The following ARG2 variants were observed in gnomAD, a reference collection of about 807,000 sequenced individuals.
ARG2 encodes arginase 2.
A neutral mutation model predicts 39.4 loss-of-function variants in ARG2; 21 were observed. The observed-to-expected ratio is 0.53, with a 90% confidence interval of 0.38 to 0.77. The LOEUF is 0.77. Among genes scored for constraint, ARG2 ranks in the 30% least tolerant of loss-of-function variants. ARG2 has a pLI of 0.00. For synonymous variants in ARG2, 150 were observed against 156.7 expected (o/e 0.96, Z 0.32); for missense variants, 378 against 426.2 (o/e 0.89, Z 1.00).
intron 2 of ARG2, among the ~76,000 whole-genome samples, chr14:67,633,979 G>T (rs1212551742): frequency 6.6e-6 from 1 of 152,128 alleles, no homozygotes; most frequent in Non-Finnish European, 1.5e-5. Flanking sequence ...CACTGGGCTG[G>T]GCTGCCACTT....
chr14:67,630,745 A>AT (rs1365712172), intron 2 of ARG2, among the ~76,000 whole-genome samples: 2 of 151,892 alleles, frequency 1.3e-5, no homozygotes, highest in African/African-American at 4.8e-5. Flanking sequence ...TGCCCAGCTA[A>AT]TTTTTTGTAT....
chr14:67,648,465 T>C (rs546242682), intron 7 of ARG2: 1 of 251,628 alleles, frequency 4.0e-6, no homozygotes, highest in East Asian at 8.0e-5. Context: ...CTGATGCAGT[T>C]CTTTGAGTTA....
rs185454319 is a variant in ARG2, at chr14:67,642,381, C to T, written c.362+18C>T. 292 of 1,612,248 alleles carry T rather than the reference C, an allele frequency of 1.8e-4. No homozygotes were observed. In the African/African-American group the frequency reaches 3.4e-3, roughly 19 times the overall value. On this transcript the variant is annotated intron_variant, in intron 3 of 7. Coordinates refer to ENST00000261783, the MANE Select transcript of ARG2 (RefSeq NM_001172.4). ...GACCACAGGTAAGCTGGGAGCCAGG[C>T]GTGGTGAGGGGATGGATTACATGGT... is the stretch of plus-strand genomic sequence containing the variant.
At chr14:67,628,373 C>T (rs1045066839) in intron 2 of ARG2, among the ~76,000 whole-genome samples, 1 of 152,194 alleles carries the variant, frequency 6.6e-6, no homozygotes, top group African/African-American at 2.4e-5. Flanking sequence ...TACAGATGTG[C>T]ACCACTGTGC....
intron 2 of ARG2, among the ~76,000 whole-genome samples, chr14:67,629,262 G>A (rs2036895820): frequency 6.6e-6 from 1 of 152,184 alleles, no homozygotes; most frequent in Admixed American, 6.5e-5. Flanking sequence ...CTTGAGCCCA[G>A]GAGGTTGAGG....
chr14:67,629,497 A>C (rs1246097893), intron 2 of ARG2, among the ~76,000 whole-genome samples: 1 of 152,250 alleles, frequency 6.6e-6, no homozygotes, highest in African/African-American at 2.4e-5. Flanking sequence ...TATAAAAACA[A>C]AGTGGAATAT....
chr14:67,644,494 T>C (rs924924381), intron 3 of ARG2, among the ~76,000 whole-genome samples: 3 of 152,220 alleles, frequency 2.0e-5, no homozygotes, highest in Non-Finnish European at 2.9e-5. Context: ...GCACCTAGAA[T>C]AGCTGTCTCA....
Position 67,620,024 on chromosome 14 carries a change from A to G in ARG2, c.47A>G (p.His16Arg), listed in dbSNP as rs17185189. The G allele has an allele frequency of 6.3e-3, 10,234 of 1,611,998 alleles. 58 individuals are homozygous for G. The highest frequency in any genetic ancestry group is 7.9e-3 in the Non-Finnish European group (9,288 of 1,179,130). ...SLSRLLQTRV[H>R]SILKKSVHSV... is the part of the protein sequence containing the mutation. ...TCGCGTCTCCTCCAGACGCGAGTGCATTCCATCCTGAAGAAATCCGTCCAC... is the reference window on the plus strand; with the variant it reads ...TCGCGTCTCCTCCAGACGCGAGTGCGTTCCATCCTGAAGAAATCCGTCCAC... The change falls in exon 1 of 8, where the codon CAT becomes CGT. Residue 16 changes from histidine (H) to arginine (R), a missense_variant. Transcript: ENST00000261783.
intron 4 of ARG2, among the ~76,000 whole-genome samples, chr14:67,646,288 A>G (rs2037097918): frequency 6.6e-6 from 1 of 152,210 alleles, no homozygotes; most frequent in South Asian, 2.1e-4. Flanking sequence ...GCAACTTGAG[A>G]TGGCAACCAG....
At position 67,651,247 on chromosome 14, in the gene ARG2, C is replaced by A; in HGVS notation, c.*327C>A. ...TTAAGTGGTTTTTCATCTTTCCTCCCTCCTCCCACAGCCTGGCTATACAGT... is the reference window on the plus strand; with the variant it reads ...TTAAGTGGTTTTTCATCTTTCCTCCATCCTCCCACAGCCTGGCTATACAGT... On this transcript the variant is annotated 3_prime_UTR_variant, in exon 8 of 8. Coordinates refer to ENST00000261783, the MANE Select transcript of ARG2 (RefSeq NM_001172.4). The A allele has an allele frequency of 1.3e-6, 2 of 1,516,824 alleles. No homozygotes were observed. Among genetic ancestry groups the A allele is most frequent in the Non-Finnish European group, 1.8e-6 (2 of 1,134,648 alleles). The allele number at this position is 1,516,824 out of a possible 1,614,324, so 94.0% of individuals were successfully genotyped here.
At chr14:67,641,808 TTGTG>T (rs1172713152) in intron 2 of ARG2, among the ~76,000 whole-genome samples, 1 of 148,658 alleles carries the variant, frequency 6.7e-6, no homozygotes, top group African/African-American at 2.6e-5. Context: ...GAGACTCTCT[TTGTG>T]TATTTTTTTG....
intron 3 of ARG2, among the ~76,000 whole-genome samples, chr14:67,643,575 G>C (rs1460773505): frequency 2.0e-5 from 3 of 152,242 alleles, no homozygotes; most frequent in Non-Finnish European, 4.4e-5. Context: ...TGCAGGCCCA[G>C]CTACTCAGGA....
chr14:67,642,793 CTTTTTTTTTTTT>C (rs869215946), intron 3 of ARG2, among the ~76,000 whole-genome samples: 1 of 75,556 alleles, frequency 1.3e-5, no homozygotes, highest in East Asian at 4.8e-4. Flanking sequence ...ACTACATTTT[CTTTTTTTTTTTT>C]TTTTTTTTTT....
Position 67,620,883 on chromosome 14 carries a change from GTGAC to G in ARG2, c.112-6_112-3del. 6.2e-7 allele frequency: 1 copy of G among 1,614,056 alleles called. No homozygotes were observed. The highest frequency in any genetic ancestry group is 8.5e-7 in the Non-Finnish European group (1 of 1,179,950). On this transcript the variant is annotated splice_region_variant and splice_polypyrimidine_tract_variant and intron_variant, in intron 1 of 7. Coordinates refer to ENST00000261783, the MANE Select transcript of ARG2 (RefSeq NM_001172.4). Reference sequence around the variant, plus strand: ...CTCTACCTCTAATTGTGTAATTTGTGTGACTGACAGAAAAGAAAAGGAGTGGAGC... The same window carrying G: ...CTCTACCTCTAATTGTGTAATTTGTGTGACAGAAAAGAAAAGGAGTGGAGC...
intron 2 of ARG2, among the ~76,000 whole-genome samples, chr14:67,639,924 C>CAAAAAAAAAA (rs5809358): frequency 1.6e-5 from 1 of 61,832 alleles, no homozygotes; most frequent in Non-Finnish European, 2.9e-5. Context: ...GACCCTGTCT[C>CAAAAAAAAAA]AAAAAAAAAA....
At chr14:67,648,896 TATAG>T (rs1291903585) in intron 7 of ARG2, 1 of 152,178 alleles carries the variant, frequency 6.6e-6, no homozygotes, top group African/African-American at 2.4e-5. Flanking sequence ...GGAACTAGGG[TATAG>T]ATAGAGACCC....
intron 2 of ARG2, among the ~76,000 whole-genome samples, chr14:67,621,186 G>T (rs1381398221): frequency 6.6e-6 from 1 of 152,156 alleles, no homozygotes; most frequent in African/African-American, 2.4e-5. Flanking sequence ...GTAGAGTGAG[G>T]CAAGGTCTGA....
intron 2 of ARG2, among the ~76,000 whole-genome samples, chr14:67,629,112 T>C (rs142264716): frequency 7.9e-5 from 12 of 152,256 alleles, no homozygotes; most frequent in African/African-American, 1.2e-4. Flanking sequence ...AGCAGGAGGA[T>C]TGCTTGAGTC....
intron 2 of ARG2, among the ~76,000 whole-genome samples, chr14:67,633,701 C>T (rs1026930861): frequency 2.0e-5 from 3 of 152,212 alleles, no homozygotes; most frequent in Non-Finnish European, 4.4e-5. Flanking sequence ...TTGTTCCCCA[C>T]CACATTTAGG....
Sources: allele counts gnomAD v4.1 joint callset (sites outside exome capture counted in the v4.1 genomes callset), GRCh38; gene constraint gnomAD v4.1.1; transcripts MANE v1.5; gene names NCBI Gene and HGNC (gene_info 2026-07-23, HGNC 2026-07-21).